Variants in PLEKHG4B observed in about 807,000 individuals in gnomAD.
PLEKHG4B encodes pleckstrin homology and RhoGEF domain containing G4B.
A neutral mutation model predicts 121.3 loss-of-function variants in PLEKHG4B; 111 were observed. The observed-to-expected ratio is 0.92, with a 90% CI of 0.78 to 1.07. PLEKHG4B has a LOEUF of 1.07. Among genes scored for constraint, PLEKHG4B ranks in the 50% least tolerant of loss-of-function variants. The pLI is 0.00. For missense variants in PLEKHG4B, 1,831 were observed against 1,757.8 expected (o/e 1.04, Z -0.74); for synonymous variants, 738 against 725.0 (o/e 1.02, Z -0.29).
chr5:164,997 C>T lies in PLEKHG4B; in HGVS notation c.3476+1449C>T, dbSNP rs1264281688. ...GGCGGAGCTCACACTAATGCTCTGA[C>T]GGGGCAGGGCTCACAGTAATGCTCT... On this transcript the variant is annotated intron_variant, in intron 13 of 19. Coordinates refer to ENST00000637938, the MANE Select transcript of PLEKHG4B (RefSeq NM_052909.5). 1.5e-4 allele frequency among the ~76,000 whole-genome samples: 8 copies of T among 52,878 alleles called. 2 individuals are homozygous for T. Among genetic ancestry groups the T allele is most frequent in the Non-Finnish European group, 2.5e-4 (6 of 23,736 alleles). 34.7% of individuals were successfully genotyped at this position (52,878 alleles called of 152,430 possible).
intron 2 of PLEKHG4B, among the ~76,000 whole-genome samples, chr5:118,798 T>TTA (rs149558716): frequency 0.041 from 6,231 of 151,134 alleles, 164 homozygotes; most frequent in Non-Finnish European, 0.056. Flanking sequence ...TTGTCATATA[T>TTA]TATATATATA....
intron 13 of PLEKHG4B, 173 bp from the exon 14 acceptor site, chr5:169,167 C>G (rs1192245258): frequency 1.2e-6 from 1 of 839,438 alleles, no homozygotes; most frequent in Non-Finnish European, 1.8e-6. Flanking sequence ...AGCCCCCACG[C>G]CTGGCCGGAA....
chr5:148,874 C>T (rs1476388352), intron 6 of PLEKHG4B, among the ~76,000 whole-genome samples: 3 of 152,004 alleles, frequency 2.0e-5, no homozygotes, highest in Non-Finnish European at 4.4e-5. Context: ...TTAAAACAGA[C>T]GTATAGAACA....
chr5:135,546 G>A (rs372748548), intron 2 of PLEKHG4B, among the ~76,000 whole-genome samples: 2 of 148,538 alleles, frequency 1.3e-5, no homozygotes, highest in Non-Finnish European at 3.0e-5. Context: ...GGTACCTGTA[G>A]GCCCAGCTAC....
At chr5:147,237 T>C (rs367691917) in intron 6 of PLEKHG4B, among the ~76,000 whole-genome samples, 8 of 152,310 alleles carry the variant, frequency 5.3e-5, no homozygotes, top group African/African-American at 1.9e-4. Flanking sequence ...ACAGACACTG[T>C]CAGGAAAGCC....
At chr5:142,829 T>TC (rs987685982) in intron 3 of PLEKHG4B, among the ~76,000 whole-genome samples, 1 of 152,238 alleles carries the variant, frequency 6.6e-6, no homozygotes, top group African/African-American at 2.4e-5. Flanking sequence ...AGCTGGAGAC[T>TC]CCGTCTCCGT....
chr5:95,049 C>G (rs1733591130), intron 1 of PLEKHG4B, among the ~76,000 whole-genome samples: 1 of 152,220 alleles, frequency 6.6e-6, no homozygotes, highest in African/African-American at 2.4e-5. Context: ...ATCTGGGACA[C>G]TTTTCTGGGC....
intron 18 of PLEKHG4B, among the ~76,000 whole-genome samples, chr5:179,289 T>A (rs1736860096): frequency 6.6e-6 from 1 of 152,206 alleles, no homozygotes; most frequent in Non-Finnish European, 1.5e-5. Context: ...AATTTGGGTA[T>A]AAATTGAGTA....
chr5:107,491 TCTTGGGTG>T (rs966314402), intron 1 of PLEKHG4B, among the ~76,000 whole-genome samples: 1 of 151,934 alleles, frequency 6.6e-6, no homozygotes, highest in African/African-American at 2.4e-5. Flanking sequence ...CCTGGGAGAG[TCTTGGGTG>T]CTCCCTTACC....
chr5:148,335 A>C (rs1280642504), intron 6 of PLEKHG4B, among the ~76,000 whole-genome samples: 2 of 144,860 alleles, frequency 1.4e-5, no homozygotes, highest in Non-Finnish European at 3.0e-5. Context: ...GAAAACCCTA[A>C]CAGTTCCACA....
rs1735026670 is a variant in PLEKHG4B at position 137,790 on chromosome 5, A to G, written c.244-1693A>G. 6.6e-6 allele frequency among the ~76,000 whole-genome samples: 1 copy of G among 152,212 alleles called. No homozygotes were observed. Among genetic ancestry groups the G allele is most frequent in the African/African-American group, 2.4e-5 (1 of 41,456 alleles). On this transcript the variant is annotated intron_variant, in intron 2 of 19. Coordinates refer to ENST00000637938, the MANE Select transcript of PLEKHG4B (RefSeq NM_052909.5). The surrounding 1 kb of genome is among the most constrained non-coding windows in gnomAD (Gnocchi z 4.2). Reference sequence around the variant, plus strand: ...CACCAATATGGCTGTGCTGGGCAATAGGATCGGGGACGGACTCTGGGGGCC... The same window carrying G: ...CACCAATATGGCTGTGCTGGGCAATGGGATCGGGGACGGACTCTGGGGGCC...
chr5:167,100 A>G (rs1290692696), intron 13 of PLEKHG4B, among the ~76,000 whole-genome samples: 1 of 152,148 alleles, frequency 6.6e-6, no homozygotes, highest in Non-Finnish European at 1.5e-5. Flanking sequence ...TAGTGAGTAC[A>G]TTGTCCATTT....
In PLEKHG4B at chr5:181,609, A is replaced by G. The variant is rs769690150; in HGVS notation, c.4498A>G (p.Ser1500Gly). The change falls in exon 19 of 20, where the codon AGC (serine) becomes GGC (glycine). Residue 1500 changes from serine to glycine, a missense_variant. Transcript: ENST00000637938. Reference protein sequence around the residue: ...RDRTPDCAVISDRAPKCAVMS... With the variant: ...RDRTPDCAVIGDRAPKCAVMS... Reference sequence around the variant, plus strand: ...CCGGACCCCTGACTGTGCAGTGATAAGCGACCGGGCTCCCAAATGTGCAGT... The same window carrying G: ...CCGGACCCCTGACTGTGCAGTGATAGGCGACCGGGCTCCCAAATGTGCAGT... 6.2e-7 allele frequency: 1 copy of G among 1,612,680 alleles called. No individual in the cohort carries two copies.
In PLEKHG4B at chr5:171,089, A is replaced by T; in HGVS notation, c.3776A>T (p.Gln1259Leu). 6.2e-7 allele frequency: 1 copy of T among 1,613,416 alleles called. No homozygotes were observed. The highest frequency in any genetic ancestry group is 1.1e-5 in the South Asian group (1 of 91,036). The change falls in exon 15 of 20, where the codon CAG becomes CTG. Residue 1259 changes from glutamine (Q) to leucine (L), a missense_variant. By Grantham distance (113) the Gln-to-Leu change is moderately radical. Coordinates refer to ENST00000637938, the MANE Select transcript of PLEKHG4B (RefSeq NM_052909.5). ...GTGATCTACAGCAAAAACAAGCCGC[A>T]GTCGGATGCCCTGCTCAGCAGCCAT... ...MYVIYSKNKP[Q>L]SDALLSSHGN...
At chr5:116,321 C>A (rs1734305747) in intron 2 of PLEKHG4B, among the ~76,000 whole-genome samples, 1 of 152,042 alleles carries the variant, frequency 6.6e-6, no homozygotes, top group Non-Finnish European at 1.5e-5. Flanking sequence ...AAAACAATTA[C>A]AATAGTAACA....
intron 17 of PLEKHG4B, 120 bp downstream of exon 17, chr5:173,187 G>T (rs773617239): frequency 1.1e-6 from 1 of 938,196 alleles, no homozygotes; most frequent in East Asian, 2.5e-5. Flanking sequence ...GGGAGGAGCC[G>T]CACTGCGATG....
At chr5:145,050 C>T (rs1455825516) in intron 6 of PLEKHG4B, 130 bp downstream of exon 6, 1 of 763,550 alleles carries the variant, frequency 1.3e-6, no homozygotes, top group Non-Finnish European at 2.1e-6. Flanking sequence ...GATGGGGGCC[C>T]CTGTGCAGAG....
At chr5:127,599 T>C (rs1734659361) in intron 2 of PLEKHG4B, among the ~76,000 whole-genome samples, 1 of 152,124 alleles carries the variant, frequency 6.6e-6, no homozygotes, top group South Asian at 2.1e-4. Context: ...TTAAATCCCC[T>C]GGAAGTCACT....
At chr5:164,526 CTG>C (rs1736182069) in intron 13 of PLEKHG4B, among the ~76,000 whole-genome samples, 1 of 87,964 alleles carries the variant, frequency 1.1e-5, no homozygotes. Flanking sequence ...CACAGTAATG[CTG>C]TGACAGGGGG....
Sources: allele counts gnomAD v4.1 joint callset (sites outside exome capture counted in the v4.1 genomes callset), GRCh38; gene constraint gnomAD v4.1.1; non-coding constraint Gnocchi (gnomAD v3.1); transcripts MANE v1.5; gene names NCBI Gene and HGNC (gene_info 2026-07-23, HGNC 2026-07-21).